ELOVL7: variants seen among roughly 807,000 people sequenced by gnomAD.
ELOVL7 encodes very long chain fatty acid elongase 7.
ELOVL7 carries 27 observed loss-of-function variants against 35.7 expected under a neutral mutation model. The ratio of observed to expected loss-of-function variants is 0.76; its 90% confidence interval spans 0.56 to 1.04. The LOEUF is 1.04. Ranked by LOEUF, ELOVL7 falls within the 50% of genes least tolerant of loss-of-function variation. The pLI is 0.00. For synonymous variants in ELOVL7, 113 were observed against 114.6 expected (o/e 0.99, Z 0.09); for missense variants, 327 against 340.8 (o/e 0.96, Z 0.32).
chr5:60,817,643 ATATT>A (rs966023219), intron 1 of ELOVL7, among the ~76,000 whole-genome samples: 2 of 147,696 alleles, frequency 1.4e-5, no homozygotes, highest in African/African-American at 4.9e-5. Context: ...ATTAGTATAT[ATATT>A]AAGTATATAT....
chr5:60,836,396 C>G (rs754507975), intron 1 of ELOVL7, among the ~76,000 whole-genome samples: 1 of 151,924 alleles, frequency 6.6e-6, no homozygotes, highest in Admixed American at 6.5e-5. Flanking sequence ...TAGTCACACA[C>G]GAAGAAGAGG....
chr5:60,792,886 A>G (rs1034796279), intron 2 of ELOVL7, among the ~76,000 whole-genome samples: 2 of 152,196 alleles, frequency 1.3e-5, no homozygotes, highest in Non-Finnish European at 2.9e-5. Context: ...AGAGAACTGG[A>G]TAGAGAAGAC....
chr5:60,788,934 T>C (rs991748166), intron 2 of ELOVL7, among the ~76,000 whole-genome samples: 2 of 152,216 alleles, frequency 1.3e-5, no homozygotes, highest in Admixed American at 1.3e-4. Flanking sequence ...CTCCAATGAT[T>C]GGGCACTGAA....
At chr5:60,795,155 G>C (rs938654149) in intron 2 of ELOVL7, among the ~76,000 whole-genome samples, 1 of 152,166 alleles carries the variant, frequency 6.6e-6, no homozygotes, top group African/African-American at 2.4e-5. Flanking sequence ...ATAGGGACAG[G>C]GAAGTCCAGA....
intron 7 of ELOVL7, among the ~76,000 whole-genome samples, chr5:60,757,974 G>A (rs1741648171): frequency 1.3e-5 from 2 of 152,092 alleles, no homozygotes; most frequent in Admixed American, 1.3e-4. Flanking sequence ...TGTTCATATT[G>A]TAGTGAGGTT....
At chr5:60,840,218 A>G (rs1248961518) in intron 1 of ELOVL7, among the ~76,000 whole-genome samples, 2 of 152,100 alleles carry the variant, frequency 1.3e-5, no homozygotes, top group Non-Finnish European at 2.9e-5. Context: ...CTAACCCCCA[A>G]TACCTCACAG....
chr5:60,783,440 A>G (rs1012596307), intron 3 of ELOVL7, among the ~76,000 whole-genome samples: 2 of 152,180 alleles, frequency 1.3e-5, no homozygotes, highest in Non-Finnish European at 2.9e-5. Flanking sequence ...CTCTCTCAGC[A>G]ACAGTTATAC....
At chr5:60,796,468 G>A (rs546307165) in intron 2 of ELOVL7, among the ~76,000 whole-genome samples, 4 of 152,308 alleles carry the variant, frequency 2.6e-5, no homozygotes, top group Admixed American at 6.5e-5. Flanking sequence ...TTCCATCCAC[G>A]AGTGCCAGGA....
chr5:60,797,474 G>C (rs1408590037), intron 2 of ELOVL7, among the ~76,000 whole-genome samples: 1 of 152,222 alleles, frequency 6.6e-6, no homozygotes, highest in African/African-American at 2.4e-5. Context: ...TAGGCACTTA[G>C]CCATACAGAA....
At chr5:60,754,860 T>C in intron 8 of ELOVL7, 27 bp from the exon 9 acceptor site, 2 of 1,590,110 alleles carry the variant, frequency 1.3e-6, no homozygotes, top group South Asian at 1.1e-5. Flanking sequence ...TGAAAAAAAA[T>C]TATTCAGATA....
In ELOVL7 at chr5:60,772,070, G is replaced by A; in HGVS notation, c.88C>T (p.Leu30Phe). ...DADPRVEDWLLMSSPLPQTIL... is the reference protein window; with the variant it reads ...DADPRVEDWLFMSSPLPQTIL... ...GTTTGTGGCAGAGGCGAGGACATGA[G>A]GAGCCAATCTTCAACTCTTGGATCT... Residue 30 changes from leucine (L) to phenylalanine (F), a missense_variant, in exon 4 of 9, where the codon CTC becomes TTC. Physicochemically the swap from Leu to Phe is conservative, Grantham distance 22 (BLOSUM62 0). Coordinates refer to ENST00000508821, the MANE Select transcript of ELOVL7 (RefSeq NM_024930.3). The A allele has an allele frequency of 6.2e-7, 1 of 1,610,158 alleles. No individual in the cohort carries two copies. Among genetic ancestry groups the A allele is most frequent in the South Asian group, 1.1e-5 (1 of 90,614 alleles).
chr5:60,753,342 G>C lies in ELOVL7; in HGVS notation c.*1282C>G, dbSNP rs1029653370. 11 of 152,070 alleles carry C rather than the reference G, an allele frequency of 7.2e-5. No homozygotes were observed. The highest frequency in any genetic ancestry group is 1.3e-4 in the Non-Finnish European group (9 of 67,988). The allele number at this position is 152,070 out of a possible 1,614,324, so 9.4% of individuals were successfully genotyped here. A position where few individuals can be genotyped will look rare whatever the true frequency, so the allele number is the denominator to read the frequency against. ...ACAGAAAGAAACTAGCAATTTTAAA[G>C]AAACAAAGTGTATGCCAAACGAATT... On this transcript the variant is annotated 3_prime_UTR_variant, in exon 9 of 9. Coordinates refer to ENST00000508821, the MANE Select transcript of ELOVL7 (RefSeq NM_024930.3).
At chr5:60,822,163 T>C (rs557018788) in intron 1 of ELOVL7, among the ~76,000 whole-genome samples, 1 of 152,360 alleles carries the variant, frequency 6.6e-6, no homozygotes, top group Admixed American at 6.5e-5. Context: ...AGCTATTTCT[T>C]GGTGAACAGT....
At chr5:60,801,051 C>G (rs1373412497) in intron 1 of ELOVL7, among the ~76,000 whole-genome samples, 1 of 152,162 alleles carries the variant, frequency 6.6e-6, no homozygotes, top group Admixed American at 6.5e-5. Flanking sequence ...CTATAGCCTC[C>G]CGAGTAGCTG....
intron 7 of ELOVL7, among the ~76,000 whole-genome samples, chr5:60,762,606 T>C (rs1227066879): frequency 6.6e-6 from 1 of 152,186 alleles, no homozygotes; most frequent in African/African-American, 2.4e-5. Flanking sequence ...CCTTCCAATC[T>C]TTCTTCTATT....
intron 1 of ELOVL7, among the ~76,000 whole-genome samples, chr5:60,814,058 G>A (rs557954360): frequency 1.3e-5 from 2 of 152,102 alleles, no homozygotes; most frequent in African/African-American, 2.4e-5. Flanking sequence ...CAACAAGAAC[G>A]AACTCAGCTA....
Position 60,753,846 on chromosome 5 carries a change from A to G in ELOVL7, c.*778T>C, listed in dbSNP as rs1741381157. ...AATTCACCTCTTTCCAGAGATATAC[A>G]AAGTTAATTGTAAAACAGTAATAGC... is the stretch of plus-strand genomic sequence containing the variant. On this transcript the variant is annotated 3_prime_UTR_variant, in exon 9 of 9. Coordinates refer to ENST00000508821, the MANE Select transcript of ELOVL7 (RefSeq NM_024930.3). The G allele has an allele frequency of 1.3e-5, 2 of 152,236 alleles. No individual in the cohort carries two copies. The highest frequency in any genetic ancestry group is 2.9e-5 in the Non-Finnish European group (2 of 68,046). The allele number at this position is 152,236 out of a possible 1,614,324, so 9.4% of individuals were successfully genotyped here.
intron 3 of ELOVL7, among the ~76,000 whole-genome samples, chr5:60,775,130 A>G (rs1742828931): frequency 6.6e-6 from 1 of 152,240 alleles, no homozygotes; most frequent in Admixed American, 6.5e-5. Context: ...TATGAAAATC[A>G]GTAGCATTTC....
At chr5:60,833,899 T>A (rs1466034808) in intron 1 of ELOVL7, among the ~76,000 whole-genome samples, 2 of 152,188 alleles carry the variant, frequency 1.3e-5, no homozygotes. Flanking sequence ...TTTTTCTCAT[T>A]TTATAAGTTT....
Sources: gnomAD v4.1 joint callset for allele counts (sites outside exome capture counted in the v4.1 genomes callset) on GRCh38, gnomAD v4.1.1 for gene constraint, MANE v1.5 for transcripts, NCBI Gene and HGNC (gene_info 2026-07-23, HGNC 2026-07-21) for gene names.